DNAH14: variants seen among roughly 807,000 people sequenced by gnomAD.
The protein encoded by DNAH14 is axonemal beta dynein heavy chain 14.
A neutral mutation model predicts 520.9 loss-of-function variants in DNAH14; 478 were observed. The observed-to-expected ratio is 0.92, with a 90% CI of 0.85 to 0.99. The LOEUF is 0.99. Ranked by LOEUF, DNAH14 falls within the 50% of genes least tolerant of loss-of-function variation. DNAH14 has a pLI of 0.00. For synonymous variants in DNAH14, 1,581 were observed against 1,757.2 expected (o/e 0.90, Z 2.51); for missense variants, 4,831 against 5,234.5 (o/e 0.92, Z 2.38).
chr1:225,248,167 C>T (rs2092389665), intron 43 of DNAH14, among the ~76,000 whole-genome samples: 1 of 152,032 alleles, frequency 6.6e-6, no homozygotes. Context: ...AAGATCCATT[C>T]GGACATATGA....
At chr1:225,377,198 G>C (rs2095712065) in intron 78 of DNAH14, 39 bp from the exon 79 acceptor site, 1 of 1,390,386 alleles carries the variant, frequency 7.2e-7, no homozygotes, top group African/African-American at 1.5e-5. Flanking sequence ...AGAAGTAGCA[G>C]GATTGAAGAA....
intron 10 of DNAH14, among the ~76,000 whole-genome samples, chr1:225,008,783 G>C (rs2064428809): frequency 1.3e-5 from 2 of 151,714 alleles, no homozygotes; most frequent in Admixed American, 1.3e-4. Flanking sequence ...TCTCATTGTG[G>C]TTTTGATTTG....
chr1:225,024,375 C>A, intron 11 of DNAH14: 2 of 492,550 alleles, frequency 4.1e-6, no homozygotes, highest in Non-Finnish European at 5.3e-6. Flanking sequence ...ACCTTCTAAA[C>A]ACTACTGTTA....
At position 225,023,619 on chromosome 1, in the gene DNAH14, C is replaced by A; in HGVS notation, c.1112C>A (p.Ala371Glu). ...SEMKSTFLKV[A>E]EKNEIKEYFE... ...CAATTGTTTTTTAAATTGTAGGTTG[C>A]AGAAAAGAATGAAATCAAAGAGTAT... Residue 371 changes from alanine to glutamate, a missense_variant, in exon 11 of 86, where the codon GCA (alanine) becomes GAA (glutamate). Ala to Glu is a moderately radical substitution (Grantham distance 107). Transcript: ENST00000682510. 3 of 1,509,580 alleles carry A rather than the reference C, an allele frequency of 2.0e-6. No homozygotes were observed. The highest frequency in any genetic ancestry group is 2.7e-6 in the Non-Finnish European group (3 of 1,122,776). The allele number at this position is 1,509,580 out of a possible 1,614,324, so 93.5% of individuals were successfully genotyped here.
rs531117761 is a variant in DNAH14, at chr1:225,207,098, T to G, written c.6317T>G (p.Phe2106Cys). The G allele has an allele frequency of 4.5e-6, 7 of 1,551,088 alleles. No individual in the cohort carries two copies. In the East Asian group the frequency reaches 1.5e-4, roughly 33 times the overall value. ...IKNSVTDGLQ[F>C]IRNRQKFQPY... ...AATAGTGTCACAGACGGACTACAAT[T>G]TATAAGGAATCGTCAGAAATTTCAG... Residue 2106 changes from phenylalanine to cysteine, a missense_variant, in exon 41 of 86, where the codon TTT (phenylalanine) becomes TGT (cysteine). Phe to Cys is a radical substitution (Grantham distance 205). Transcript: ENST00000682510.
intron 27 of DNAH14, among the ~76,000 whole-genome samples, chr1:225,128,081 G>A: frequency 6.6e-6 from 1 of 152,182 alleles, no homozygotes; most frequent in East Asian, 1.9e-4. Flanking sequence ...GAACTCTGCT[G>A]TTAGTCTAAT....
intron 3 of DNAH14, 24 bp downstream of exon 3, chr1:224,955,122 G>T: frequency 6.3e-7 from 1 of 1,592,856 alleles, no homozygotes; most frequent in East Asian, 2.3e-5. Flanking sequence ...TTACTATTCT[G>T]GCATGTTGAT....
At chr1:225,344,164 G>A (rs1245328813) in intron 69 of DNAH14, among the ~76,000 whole-genome samples, 1 of 151,468 alleles carries the variant, frequency 6.6e-6, no homozygotes, top group East Asian at 1.9e-4. Flanking sequence ...TAAATTAAGA[G>A]ATGCCTTGAT....
intron 10 of DNAH14, among the ~76,000 whole-genome samples, chr1:225,021,747 T>G (rs2449274): frequency 0.85 from 129,169 of 152,118 alleles, 56,309 homozygotes; most frequent in Non-Finnish European, 0.96. Context: ...TCCTGTCAAA[T>G]TACCAACATC....
Position 225,272,241 on chromosome 1 carries a change from A to G in DNAH14, c.7839+168A>G, listed in dbSNP as rs569036343. On this transcript the variant is annotated intron_variant, in intron 51 of 85. Transcript: ENST00000682510. ...AGTTGAAGAAAAAATTGTTAAAATA[A>G]TTCCGTGCAAATAATTCAATGATGA... Among the ~76,000 whole-genome samples the G allele has an allele frequency of 7.2e-4, 109 of 152,344 alleles. 1 individual carries two copies. Among genetic ancestry groups the G allele is most frequent in the African/African-American group, 2.5e-3 (104 of 41,580 alleles).
chr1:225,082,634 A>G lies in DNAH14; in HGVS notation c.3222A>G (p.Gly1074=), dbSNP rs748141621. The G allele has an allele frequency of 6.4e-7, 1 of 1,551,656 alleles. No homozygotes were observed. The highest frequency in any genetic ancestry group is 8.7e-7 in the Non-Finnish European group (1 of 1,146,952). ...AGCTGCCTATCATTATAGCTCTGGGAAATCCCTGTCTCAAGCCAAGGCATT... is the reference window on the plus strand; with the variant it reads ...AGCTGCCTATCATTATAGCTCTGGGGAATCCCTGTCTCAAGCCAAGGCATT... ...KQELPIIIAL[G]NPCLKPRHWE... The change falls in exon 20 of 86, where the codon GGA becomes GGG. Residue 1074 remains glycine, a synonymous_variant. Transcript: ENST00000682510.
At chr1:225,266,811 T>C in intron 49 of DNAH14, 42 bp downstream of exon 49, 1 of 1,433,078 alleles carries the variant, frequency 7.0e-7, no homozygotes, top group African/African-American at 1.5e-5. Context: ...AAGTATTATT[T>C]CTCACACTAA....
At chr1:225,216,647 A>G (rs1275597350) in intron 41 of DNAH14, among the ~76,000 whole-genome samples, 1 of 151,900 alleles carries the variant, frequency 6.6e-6, no homozygotes, top group Non-Finnish European at 1.5e-5. Context: ...CATTCATTTG[A>G]TCTTCAATCA....
intron 17 of DNAH14, among the ~76,000 whole-genome samples, chr1:225,071,931 G>A (rs1008939779): frequency 6.6e-6 from 1 of 152,134 alleles, no homozygotes; most frequent in Non-Finnish European, 1.5e-5. Flanking sequence ...ACAATTCAAG[G>A]TGAGATTTGG....
chr1:225,197,335 A>C (rs1489191985), intron 38 of DNAH14, among the ~76,000 whole-genome samples: 1 of 152,128 alleles, frequency 6.6e-6, no homozygotes, highest in African/African-American at 2.4e-5. Flanking sequence ...TGCTTTGTCA[A>C]ATATCAGTTG....
chr1:224,940,715 C>A (rs1460698613), intron 1 of DNAH14, among the ~76,000 whole-genome samples: 1 of 150,354 alleles, frequency 6.7e-6, no homozygotes, highest in African/African-American at 2.4e-5. Flanking sequence ...TGTTCCCCTT[C>A]CTGTGTCCAT....
intron 62 of DNAH14, among the ~76,000 whole-genome samples, chr1:225,323,734 T>C (rs531653490): frequency 1.7e-4 from 26 of 152,256 alleles, no homozygotes; most frequent in African/African-American, 6.0e-4. Flanking sequence ...GTGCTGGGAT[T>C]ACAGGCGGGA....
At chr1:225,187,373 G>T (rs141848071) in intron 37 of DNAH14, among the ~76,000 whole-genome samples, 2 of 151,410 alleles carry the variant, frequency 1.3e-5, no homozygotes, top group East Asian at 1.9e-4. Flanking sequence ...CTATAGATTC[G>T]CCTCTTTTGG....
At chr1:225,052,024 T>A (rs1363472791) in intron 17 of DNAH14, among the ~76,000 whole-genome samples, 1 of 152,206 alleles carries the variant, frequency 6.6e-6, no homozygotes, top group African/African-American at 2.4e-5. Context: ...TCTGATCACA[T>A]CTATTGCATT....
Sources: gnomAD v4.1 joint callset for allele counts (sites outside exome capture counted in the v4.1 genomes callset) on GRCh38, gnomAD v4.1.1 for gene constraint, MANE v1.5 for transcripts, NCBI Gene and HGNC (gene_info 2026-07-23, HGNC 2026-07-21) for gene names.